The following DNAH11 variants were observed in gnomAD, a reference collection of about 807,000 sequenced individuals.
The protein encoded by DNAH11 is axonemal beta dynein heavy chain 11.
DNAH11 carries 442 observed loss-of-function variants against 526.0 expected under a neutral mutation model. That is an observed-to-expected ratio of 0.84 (90% CI 0.78 to 0.91). The LOEUF is 0.91. Among genes scored for constraint, DNAH11 ranks in the 40% least tolerant of loss-of-function variants. The pLI, the probability that DNAH11 is intolerant of heterozygous loss-of-function variation, is 0.00. For missense variants in DNAH11, 6,989 were observed against 5,448.7 expected, an observed-to-expected ratio of 1.28 and a Z score of -8.90; for synonymous variants, 2,461 against 1,935.9, an observed-to-expected ratio of 1.27 and a Z score of -7.12.
At chr7:21,612,179 A>G (rs1359535276) in intron 20 of DNAH11, among the ~76,000 whole-genome samples, 1 of 152,208 alleles carries the variant, frequency 6.6e-6, no homozygotes, top group Non-Finnish European at 1.5e-5. Flanking sequence ...CTGAGTAGTC[A>G]TATAACTATT....
At chr7:21,860,602 A>G (rs528977990) in intron 68 of DNAH11, among the ~76,000 whole-genome samples, 5 of 152,340 alleles carry the variant, frequency 3.3e-5, no homozygotes, top group Middle Eastern at 3.4e-3. Context: ...GCAGTTGAAT[A>G]TTCTTTTGCC....
intron 30 of DNAH11, among the ~76,000 whole-genome samples, chr7:21,680,675 T>C (rs1309482421): frequency 6.6e-6 from 1 of 152,202 alleles, no homozygotes; most frequent in Non-Finnish European, 1.5e-5. Context: ...CTTTCCATTC[T>C]ATGAAAAAAG....
chr7:21,754,413 G>A (rs1223111205), intron 54 of DNAH11, among the ~76,000 whole-genome samples: 2 of 151,814 alleles, frequency 1.3e-5, no homozygotes, highest in African/African-American at 4.8e-5. Flanking sequence ...CTTTTTCTTT[G>A]TTTCCTTTGG....
intron 73 of DNAH11, 60 bp downstream of exon 73, chr7:21,869,051 G>C: frequency 2.5e-6 from 4 of 1,604,876 alleles, no homozygotes; most frequent in Non-Finnish European, 3.4e-6. Flanking sequence ...CCAGGGCAGA[G>C]CTGGCCCGCC....
chr7:21,777,619 G>A (rs188750969), intron 56 of DNAH11, among the ~76,000 whole-genome samples: 14 of 152,224 alleles, frequency 9.2e-5, no homozygotes, highest in African/African-American at 2.9e-4. Flanking sequence ...TCTAATAGGC[G>A]TGTAGTGATA....
At position 21,669,819 on chromosome 7, in the gene DNAH11, C is replaced by A. The variant is rs572199302; in HGVS notation, c.5328+10788C>A. ...CTTTCTCTATTGAATTAATGTGGTA[C>A]CTTGGTTGAAAGTCAACTGACTATA... On this transcript the variant is annotated intron_variant, in intron 30 of 81. Transcript: ENST00000409508. 2.1e-4 allele frequency among the ~76,000 whole-genome samples: 32 copies of A among 152,068 alleles called. No individual in the cohort carries two copies. The South Asian group carries it at 6.5e-3, about 31-fold the overall frequency.
chr7:21,552,400 C>T (rs913992191), intron 2 of DNAH11, among the ~76,000 whole-genome samples: 1 of 152,180 alleles, frequency 6.6e-6, no homozygotes. Flanking sequence ...AAGGCAGACC[C>T]ACTATTCCCA....
intron 66 of DNAH11, among the ~76,000 whole-genome samples, chr7:21,845,053 A>G (rs1782363763): frequency 6.6e-6 from 1 of 152,276 alleles, no homozygotes; most frequent in South Asian, 2.1e-4. Flanking sequence ...ACCAGACCAT[A>G]TAAGAAAATA....
intron 28 of DNAH11, among the ~76,000 whole-genome samples, chr7:21,650,494 G>A (rs1036150284): frequency 6.8e-6 from 1 of 147,808 alleles, no homozygotes; most frequent in Non-Finnish European, 1.5e-5. Context: ...GCTGTAAGAG[G>A]TTTCATTTTA....
intron 54 of DNAH11, among the ~76,000 whole-genome samples, chr7:21,758,513 C>T (rs928225799): frequency 7.9e-5 from 12 of 152,020 alleles, no homozygotes; most frequent in African/African-American, 2.9e-4. Flanking sequence ...CAAAGGCCAA[C>T]CCAGCCACTG....
At chr7:21,569,533 C>G (rs187910009) in intron 6 of DNAH11, among the ~76,000 whole-genome samples, 7 of 152,182 alleles carry the variant, frequency 4.6e-5, no homozygotes, top group Admixed American at 4.6e-4. Flanking sequence ...TCATGTGGCA[C>G]ACGTCAGCCA....
chr7:21,817,661 C>T (rs965978815), intron 64 of DNAH11, among the ~76,000 whole-genome samples: 2 of 152,020 alleles, frequency 1.3e-5, no homozygotes, highest in African/African-American at 4.8e-5. Flanking sequence ...CCACTGCACT[C>T]CAGCCTGGAC....
At chr7:21,814,662 A>T (rs1410966648) in intron 63 of DNAH11, among the ~76,000 whole-genome samples, 3 of 151,896 alleles carry the variant, frequency 2.0e-5, no homozygotes, top group Non-Finnish European at 4.4e-5. Context: ...TAATTGTACT[A>T]CAGCATTATG....
intron 29 of DNAH11, 58 bp from the exon 30 acceptor site, chr7:21,658,740 A>G (rs1782121702): frequency 1.4e-6 from 2 of 1,421,804 alleles, no homozygotes; most frequent in Non-Finnish European, 1.9e-6. Context: ...CAGTAGGAGG[A>G]TGAAATTATC....
At position 21,600,422 on chromosome 7, in the gene DNAH11, C is replaced by T. The variant is rs142428397; in HGVS notation, c.3001-254C>T. Reference sequence around the variant, plus strand: ...GCAGTGAGCTATGATTAAGCCAGTGCACTCCAGCTTGAGTGACAAAACCCT... The same window carrying T: ...GCAGTGAGCTATGATTAAGCCAGTGTACTCCAGCTTGAGTGACAAAACCCT... On this transcript the variant is annotated intron_variant, in intron 15 of 81. Coordinates refer to ENST00000409508, the MANE Select transcript of DNAH11 (RefSeq NM_001277115.2). 9.9e-5 allele frequency among the ~76,000 whole-genome samples: 15 copies of T among 152,162 alleles called. No homozygotes were observed. The East Asian group carries it at 2.5e-3, about 26-fold the overall frequency.
At chr7:21,805,446 A>T (rs1415216713) in intron 62 of DNAH11, among the ~76,000 whole-genome samples, 2 of 152,034 alleles carry the variant, frequency 1.3e-5, no homozygotes, top group African/African-American at 4.8e-5. Flanking sequence ...TAAATGGGTG[A>T]GTTTTGGGAG....
At chr7:21,679,695 A>G (rs920440) in intron 30 of DNAH11, among the ~76,000 whole-genome samples, 84,705 of 151,816 alleles carry the variant, frequency 0.56, 24,722 homozygotes, top group African/African-American at 0.73. Context: ...AGTTTCTCAG[A>G]CCTGAAGGGA....
intron 6 of DNAH11, among the ~76,000 whole-genome samples, chr7:21,568,245 A>C (rs1201257141): frequency 6.6e-6 from 1 of 152,154 alleles, no homozygotes; most frequent in African/African-American, 2.4e-5. Flanking sequence ...AGTTCATCCT[A>C]AATCTAGTGG....
intron 9 of DNAH11, among the ~76,000 whole-genome samples, chr7:21,582,725 A>G (rs1400326847): frequency 2.6e-5 from 4 of 152,200 alleles, no homozygotes; most frequent in African/African-American, 4.8e-5. Context: ...TCACAAATCA[A>G]GTATAAATTA....
Sources: allele counts gnomAD v4.1 joint callset (sites outside exome capture counted in the v4.1 genomes callset), GRCh38; gene constraint gnomAD v4.1.1; transcripts MANE v1.5; gene names NCBI Gene and HGNC (gene_info 2026-07-23, HGNC 2026-07-21).